Variants in TNIP1 observed in about 807,000 individuals in gnomAD.
TNIP1 encodes TNFAIP3 interacting protein 1.
In TNIP1, 22 loss-of-function variants were observed where a neutral mutation model predicts 86.6. The ratio of observed to expected loss-of-function variants is 0.25; its 90% CI spans 0.18 to 0.36. The LOEUF is 0.36. Ranked by LOEUF, TNIP1 falls within the 10% of genes least tolerant of loss-of-function variation. The probability of loss-of-function intolerance (pLI) is 1.00; values close to 1 mark genes in which losing one functional copy is unlikely to be tolerated. For synonymous variants in TNIP1, 294 were observed against 313.0 expected (o/e 0.94, Z 0.64); for missense variants, 709 against 820.6 (o/e 0.86, Z 1.66).
chr5:151,054,933 G>A (rs1760453164), intron 6 of TNIP1, among the ~76,000 whole-genome samples: 1 of 152,198 alleles, frequency 6.6e-6, no homozygotes, highest in East Asian at 1.9e-4. Context: ...GGAAGGCCAG[G>A]ACAAGGCCTC....
upstream of TNIP1, among the ~76,000 whole-genome samples, chr5:151,082,533 C>G (rs577439463): frequency 2.6e-5 from 4 of 152,328 alleles, no homozygotes; most frequent in South Asian, 2.1e-4. Flanking sequence ...CTGCAGGGCT[C>G]TCTTCCTATT....
chr5:151,033,893 G>A, intron 15 of TNIP1, 94 bp from the exon 16 acceptor site: 2 of 1,167,824 alleles, frequency 1.7e-6, no homozygotes, highest in Non-Finnish European at 2.3e-6. Flanking sequence ...GCTCTCTGAA[G>A]GCTAGCAGGC....
chr5:151,080,762 G>A (rs1763935792), intron 1 of TNIP1, 118 bp downstream of exon 1: 1 of 152,370 alleles, frequency 6.6e-6, no homozygotes, highest in Non-Finnish European at 1.5e-5. Context: ...CCGCGCGCCG[G>A]GCCTGGGTGC....
At chr5:151,057,419 C>G (rs376337953) in intron 5 of TNIP1, among the ~76,000 whole-genome samples, 1 of 152,268 alleles carries the variant, frequency 6.6e-6, no homozygotes, top group African/African-American at 2.4e-5. Context: ...AACTGCAGAT[C>G]AAAAATCTTC....
intron 1 of TNIP1, among the ~76,000 whole-genome samples, chr5:151,077,538 C>T (rs1350967986): frequency 2.6e-5 from 4 of 152,214 alleles, no homozygotes; most frequent in Non-Finnish European, 4.4e-5. Context: ...GTAGCATTGA[C>T]GTCATACAGA....
intron 1 of TNIP1, among the ~76,000 whole-genome samples, chr5:151,077,308 A>G (rs3792781): frequency 0.09 from 13,735 of 152,230 alleles, 1,389 homozygotes; most frequent in African/African-American, 0.25. Context: ...TTTCCAAGAT[A>G]TGAACTTTTG....
At chr5:151,075,576 G>A (rs1014568806) in intron 1 of TNIP1, among the ~76,000 whole-genome samples, 10 of 152,180 alleles carry the variant, frequency 6.6e-5, no homozygotes, top group African/African-American at 2.2e-4. Flanking sequence ...ACTTATAAGT[G>A]AGAAAATGCA....
At position 151,063,657 on chromosome 5, in the gene TNIP1, G is replaced by T. The variant is rs1239274816; in HGVS notation, c.227C>A (p.Pro76His). 3 of 1,614,084 alleles carry T rather than the reference G, an allele frequency of 1.9e-6. No individual in the cohort carries two copies. In the South Asian group the frequency reaches 3.3e-5, roughly 18 times the overall value. Residue 76 changes from proline to histidine, a missense_variant, in exon 3 of 18, where the codon CCT becomes CAT. Transcript: ENST00000521591. ...LVKDNELLPP[P>H]SPSLGSFDPL... ...GTCGAAGGAGCCCAAGGAGGGAGAA[G>T]GTGGTGGGAGCAGCTCGTTGTCCTT...
chr5:151,056,527 C>T (rs529985630), intron 6 of TNIP1, among the ~76,000 whole-genome samples: 1 of 152,310 alleles, frequency 6.6e-6, no homozygotes, highest in Admixed American at 6.5e-5. Flanking sequence ...CTGGGGGTAT[C>T]CCCAACCATG....
chr5:151,064,982 T>C lies in TNIP1; in HGVS notation c.114A>G (p.Lys38=). 1 of 1,614,136 alleles carries C rather than the reference T, an allele frequency of 6.2e-7. No individual in the cohort carries two copies. Among genetic ancestry groups the C allele is most frequent in the Non-Finnish European group, 8.5e-7 (1 of 1,180,002 alleles). ...TACCTAACATCTTTATCCCTTGCAT[T>C]TTTTCCTTCAGCCGGGAATTCTCCT... The part of the protein sequence containing the change: ...LVKENSRLKE[K]MQGIKMLGEL... Residue 38 remains lysine (K), a synonymous_variant, in exon 2 of 18, where the codon AAA becomes AAG. Coordinates refer to ENST00000521591, the MANE Select transcript of TNIP1 (RefSeq NM_006058.5).
chr5:151,073,564 A>G (rs1733615225), intron 1 of TNIP1, among the ~76,000 whole-genome samples: 1 of 127,838 alleles, frequency 7.8e-6, no homozygotes, highest in African/African-American at 4.2e-5. Context: ...ACAGGATGCT[A>G]TTTTTTTCAA....
chr5:151,042,684 G>A lies in TNIP1; in HGVS notation c.1003-13C>T. The stretch of plus-strand genomic sequence containing the variant: ...GCAGCTCAGTGATCTGGGTTCAGAG[G>A]CAGAGAGGAGTGTGTGAGGCAAGGA... On this transcript the variant is annotated splice_polypyrimidine_tract_variant and intron_variant, in intron 10 of 17. Transcript: ENST00000521591. 6.2e-7 allele frequency: 1 copy of A among 1,613,632 alleles called. No individual in the cohort carries two copies. The highest frequency in any genetic ancestry group is 8.5e-7 in the Non-Finnish European group (1 of 1,179,984).
chr5:151,086,693 C>T (rs1311663275), intron 1 of TNIP1, among the ~76,000 whole-genome samples: 1 of 152,236 alleles, frequency 6.6e-6, no homozygotes, highest in Non-Finnish European at 1.5e-5. Flanking sequence ...CACACACAAA[C>T]ACCCACATCC....
intron 4 of TNIP1, among the ~76,000 whole-genome samples, 186 bp downstream of exon 4, chr5:151,061,941 T>C (rs1761622232): frequency 6.6e-6 from 1 of 152,236 alleles, no homozygotes; most frequent in South Asian, 2.1e-4. Flanking sequence ...GTTTTAACTA[T>C]GACCTTCATT....
Position 151,063,673 on chromosome 5 carries a change from CGTT to C in TNIP1, c.208_210del (p.Asn70del). The stretch of plus-strand genomic sequence containing the variant: ...GAGGGAGAAGGTGGTGGGAGCAGCT[CGTT>C]GTCCTTCACTAGCTCCTCTGCCTTC... On this transcript the variant is annotated inframe_deletion, in exon 3 of 18. Transcript: ENST00000521591. 1 of 1,614,080 alleles carries C rather than the reference CGTT, an allele frequency of 6.2e-7. No homozygotes were observed. Among genetic ancestry groups the C allele is most frequent in the Non-Finnish European group, 8.5e-7 (1 of 1,179,996 alleles).
intron 12 of TNIP1, among the ~76,000 whole-genome samples, chr5:151,038,050 T>C (rs1757938569): frequency 6.6e-6 from 1 of 152,224 alleles, no homozygotes; most frequent in Admixed American, 6.5e-5. Context: ...TCCAAGGTCA[T>C]CTTTATGATC....
chr5:151,065,081 T>C lies in TNIP1; in HGVS notation c.15A>G (p.Gly5=). 6.2e-7 allele frequency: 1 copy of C among 1,613,676 alleles called. No individual in the cohort carries two copies. Among genetic ancestry groups the C allele is most frequent in the East Asian group, 2.2e-5 (1 of 44,878 alleles). Residue 5 remains glycine, a synonymous_variant, in exon 2 of 18, where the codon GGA becomes GGG. Transcript: ENST00000521591. ...CCCCAGGGTCGTAGATCCGGTACGG[T>C]CCTCTCCCTTCCATGAGGGTAGCTC... is the stretch of plus-strand genomic sequence containing the variant. MEGR[G]PYRIYDPGGS... is the part of the protein sequence containing the mutation.
At chr5:151,045,716 A>C in intron 9 of TNIP1, 145 bp downstream of exon 9, 2 of 739,980 alleles carry the variant, frequency 2.7e-6, no homozygotes, top group Non-Finnish European at 4.7e-6. Flanking sequence ...GACCTCATCC[A>C]TGGGCAGGCA....
intron 1 of TNIP1, among the ~76,000 whole-genome samples, chr5:151,078,635 G>A (rs1186431217): frequency 6.6e-6 from 1 of 152,216 alleles, no homozygotes; most frequent in Non-Finnish European, 1.5e-5. Context: ...GATCAGGGAA[G>A]GCCCCTCTGA....
Sources: gnomAD v4.1 joint callset for allele counts (sites outside exome capture counted in the v4.1 genomes callset) on GRCh38, gnomAD v4.1.1 for gene constraint, MANE v1.5 for transcripts, NCBI Gene and HGNC (gene_info 2026-07-23, HGNC 2026-07-21) for gene names.